GPR176: variants seen among roughly 807,000 people sequenced by gnomAD.
GPR176 encodes the protein G protein-coupled receptor 176.
In GPR176, 26 loss-of-function variants were observed where a neutral mutation model predicts 35.4. The ratio of observed to expected loss-of-function variants is 0.74; its 90% CI spans 0.54 to 1.02. The LOEUF (loss-of-function observed/expected upper bound fraction) is 1.02, where lower values mean the gene tolerates loss of function less well. Among genes scored for constraint, GPR176 ranks in the 50% least tolerant of loss-of-function variants. The pLI is 0.00. For synonymous variants in GPR176, 278 were observed against 271.3 expected (o/e 1.02, Z -0.24); for missense variants, 597 against 665.3 (o/e 0.90, Z 1.13).
chr15:39,875,352 A>C (rs1026284635), intron 1 of GPR176, among the ~76,000 whole-genome samples: 1 of 152,180 alleles, frequency 6.6e-6, no homozygotes, highest in Non-Finnish European at 1.5e-5. Context: ...TGTTTCTTTG[A>C]CTACAAAGAA....
chr15:39,871,039 C>T (rs2032024109), intron 1 of GPR176, among the ~76,000 whole-genome samples: 1 of 152,132 alleles, frequency 6.6e-6, no homozygotes, highest in Non-Finnish European at 1.5e-5. Context: ...ATGACAGAAT[C>T]CTGGCCCACA....
Position 39,800,175 on chromosome 15 carries a change from T to C in GPR176, c.*957A>G, listed in dbSNP as rs967107664. On this transcript the variant is annotated 3_prime_UTR_variant, in exon 3 of 3. Coordinates refer to ENST00000561100, the MANE Select transcript of GPR176 (RefSeq NM_007223.3). ...TTACACTAACTCTCCATTTTAAAAA[T>C]ACCTTTTAATTCCTAAAGTTTGCAT... The C allele has an allele frequency of 6.6e-6, 1 of 152,214 alleles. No homozygotes were observed. The highest frequency in any genetic ancestry group is 2.4e-5 in the African/African-American group (1 of 41,444). 9.4% of individuals were successfully genotyped at this position (152,214 alleles called of 1,614,324 possible).
intron 1 of GPR176, among the ~76,000 whole-genome samples, chr15:39,903,331 T>C (rs751036275): frequency 6.6e-6 from 1 of 152,212 alleles, no homozygotes; most frequent in Non-Finnish European, 1.5e-5. Context: ...TCCATGCTAC[T>C]TTGGGCTTCC....
At chr15:39,837,993 T>TAAAAAAAAA (rs5812142) in intron 1 of GPR176, among the ~76,000 whole-genome samples, 1 of 124,524 alleles carries the variant, frequency 8.0e-6, no homozygotes, top group African/African-American at 2.8e-5. Flanking sequence ...CTCCATTAAT[T>TAAAAAAAAA]AAAAAAAAAA....
chr15:39,904,482 T>A (rs938373007), intron 1 of GPR176, among the ~76,000 whole-genome samples: 1 of 152,086 alleles, frequency 6.6e-6, no homozygotes, highest in East Asian at 1.9e-4. Flanking sequence ...TATAATGGAA[T>A]AGATAGAGAA....
rs1160720725 is a variant in GPR176 at position 39,860,597 on chromosome 15, C to T, written c.173-53339G>A. 3.9e-5 allele frequency among the ~76,000 whole-genome samples: 6 copies of T among 152,224 alleles called. No individual in the cohort carries two copies. The South Asian group carries it at 6.2e-4, about 16-fold the overall frequency. ...TAGTTTATAATCATTTTTAAGTCAT[C>T]GACTATACATCCCATGATTGGCTAA... On this transcript the variant is annotated intron_variant, in intron 1 of 2. Transcript: ENST00000561100.
intron 2 of GPR176, among the ~76,000 whole-genome samples, chr15:39,806,586 C>T (rs1029054372): frequency 6.6e-6 from 1 of 152,206 alleles, no homozygotes; most frequent in African/African-American, 2.4e-5. Flanking sequence ...ACCATCTAAT[C>T]GCTTGTTAAA....
chr15:39,815,631 C>G (rs1899849638), intron 1 of GPR176, among the ~76,000 whole-genome samples: 1 of 152,192 alleles, frequency 6.6e-6, no homozygotes, highest in Non-Finnish European at 1.5e-5. Context: ...AAGGATATCC[C>G]TTCTCCAGAT....
intron 1 of GPR176, among the ~76,000 whole-genome samples, chr15:39,916,367 C>T (rs531724992): frequency 3.9e-5 from 6 of 152,294 alleles, no homozygotes; most frequent in Admixed American, 3.9e-4. Context: ...CTGAGAAACA[C>T]TGGTTTACGC....
At chr15:39,888,320 C>T (rs934610362) in intron 1 of GPR176, among the ~76,000 whole-genome samples, 3 of 152,086 alleles carry the variant, frequency 2.0e-5, no homozygotes, top group African/African-American at 7.2e-5. Context: ...AGGTCTCACC[C>T]TGTTGCTCAG....
chr15:39,882,654 A>G (rs554615856), intron 1 of GPR176, among the ~76,000 whole-genome samples: 5 of 152,360 alleles, frequency 3.3e-5, no homozygotes, highest in Non-Finnish European at 7.3e-5. Flanking sequence ...TTCTTTATTC[A>G]CCAAAACAGA....
At chr15:39,813,365 T>C in intron 1 of GPR176, 1 of 152,232 alleles carries the variant, frequency 6.6e-6, no homozygotes, top group East Asian at 1.9e-4. Context: ...GAATTCCCTC[T>C]TTTTGGTTGT....
chr15:39,915,720 C>T (rs1049554530), intron 1 of GPR176, among the ~76,000 whole-genome samples: 9 of 150,836 alleles, frequency 6.0e-5, no homozygotes, highest in Admixed American at 2.0e-4. Flanking sequence ...ACTAAAAATA[C>T]AAAAAAAAAT....
chr15:39,908,916 C>T (rs1405860094), intron 1 of GPR176, among the ~76,000 whole-genome samples: 2 of 152,304 alleles, frequency 1.3e-5, no homozygotes, highest in Non-Finnish European at 1.5e-5. Context: ...GAATCATGTG[C>T]TCACCCTTGT....
At chr15:39,823,557 C>A (rs1001473294) in intron 1 of GPR176, among the ~76,000 whole-genome samples, 1 of 152,196 alleles carries the variant, frequency 6.6e-6, no homozygotes, top group East Asian at 1.9e-4. Flanking sequence ...GTCACCCTCA[C>A]CTCCACTGCT....
intron 1 of GPR176, among the ~76,000 whole-genome samples, chr15:39,826,377 T>C (rs990861996): frequency 6.6e-6 from 1 of 152,010 alleles, no homozygotes; most frequent in Non-Finnish European, 1.5e-5. Flanking sequence ...TGGAACAAGG[T>C]TGAGAGATTT....
intron 1 of GPR176, among the ~76,000 whole-genome samples, chr15:39,900,226 TAAAA>T (rs1038366139): frequency 3.6e-5 from 5 of 137,230 alleles, no homozygotes; most frequent in Non-Finnish European, 8.0e-5. Flanking sequence ...CAAGGATGTT[TAAAA>T]AAAAAAAAAA....
intron 1 of GPR176, among the ~76,000 whole-genome samples, chr15:39,899,164 C>T (rs1006999060): frequency 9.2e-5 from 14 of 152,178 alleles, no homozygotes; most frequent in African/African-American, 3.4e-4. Flanking sequence ...GCATGCTCTA[C>T]CTTACCTCCA....
intron 1 of GPR176, among the ~76,000 whole-genome samples, chr15:39,833,181 C>T (rs1451033045): frequency 6.6e-6 from 1 of 152,072 alleles, no homozygotes; most frequent in Non-Finnish European, 1.5e-5. Flanking sequence ...GAAAACATGT[C>T]CACATAGAAA....
Sources: allele counts gnomAD v4.1 joint callset (sites outside exome capture counted in the v4.1 genomes callset), GRCh38; gene constraint gnomAD v4.1.1; transcripts MANE v1.5; gene names NCBI Gene and HGNC (gene_info 2026-07-23, HGNC 2026-07-21).